MYO3B: variants seen among roughly 807,000 people sequenced by gnomAD.
MYO3B encodes myosin-IIIb.
In MYO3B, 156 loss-of-function variants were observed where a neutral mutation model predicts 174.6. The ratio of observed to expected loss-of-function variants is 0.89; its 90% CI spans 0.78 to 1.02. The LOEUF (loss-of-function observed/expected upper bound fraction) is 1.02. MYO3B is among the 50% of genes least tolerant of loss of function. The probability of loss-of-function intolerance (pLI) is 0.00; values close to 1 mark genes in which losing one functional copy is unlikely to be tolerated. For missense variants in MYO3B, 1,632 were observed against 1,639.4 expected, an observed-to-expected ratio of 1.00 and a Z score of 0.08; for synonymous variants, 563 against 569.1, an observed-to-expected ratio of 0.99 and a Z score of 0.15.
intron 16 of MYO3B, among the ~76,000 whole-genome samples, chr2:170,392,723 G>A (rs2094420415): frequency 6.6e-6 from 1 of 152,176 alleles, no homozygotes; most frequent in South Asian, 2.1e-4. Flanking sequence ...GACTGCATCA[G>A]AATATAATCA....
intron 32 of MYO3B, among the ~76,000 whole-genome samples, chr2:170,648,685 ATATTCTATAT>A (rs1266787089): frequency 5.5e-4 from 74 of 133,838 alleles, no homozygotes; most frequent in Admixed American, 9.3e-4. Flanking sequence ...AATATATATT[ATATTCTATAT>A]AATATATATT....
intron 32 of MYO3B, among the ~76,000 whole-genome samples, chr2:170,611,341 T>G (rs1695116664): frequency 6.6e-6 from 1 of 152,166 alleles, no homozygotes; most frequent in Non-Finnish European, 1.5e-5. Flanking sequence ...TGATTGGGCT[T>G]TTTTGTTTGT....
At chr2:170,426,847 G>A (rs946208718) in intron 22 of MYO3B, among the ~76,000 whole-genome samples, 2 of 151,588 alleles carry the variant, frequency 1.3e-5, no homozygotes, top group African/African-American at 4.8e-5. Flanking sequence ...GTGAAACCCC[G>A]TCTCTACTAA....
At chr2:170,234,928 A>C (rs2093054162) in intron 6 of MYO3B, among the ~76,000 whole-genome samples, 1 of 152,148 alleles carries the variant, frequency 6.6e-6, no homozygotes, top group Admixed American at 6.5e-5. Flanking sequence ...TCTCCTCATA[A>C]TCTATCCTCT....
At chr2:170,582,211 A>T (rs1487554750) in intron 32 of MYO3B, among the ~76,000 whole-genome samples, 1 of 152,240 alleles carries the variant, frequency 6.6e-6, no homozygotes, top group Admixed American at 6.5e-5. Flanking sequence ...GCAGGTCTGT[A>T]GAATTCCCAG....
chr2:170,237,373 A>C (rs1223828930), intron 7 of MYO3B, among the ~76,000 whole-genome samples: 1 of 152,128 alleles, frequency 6.6e-6, no homozygotes, highest in Non-Finnish European at 1.5e-5. Context: ...CCTGAATATC[A>C]GGATTAAGGT....
intron 32 of MYO3B, among the ~76,000 whole-genome samples, chr2:170,581,671 G>A (rs1693158555): frequency 6.6e-6 from 1 of 150,744 alleles, no homozygotes; most frequent in African/African-American, 2.4e-5. Context: ...TTTTCTATAT[G>A]GATAACTAAT....
intron 32 of MYO3B, among the ~76,000 whole-genome samples, chr2:170,547,931 G>C (rs1474639020): frequency 6.6e-6 from 1 of 151,690 alleles, no homozygotes; most frequent in Non-Finnish European, 1.5e-5. Context: ...TTTTAAACAG[G>C]GTGGCTTCAT....
intron 7 of MYO3B, among the ~76,000 whole-genome samples, chr2:170,310,267 A>G (rs1485158918): frequency 6.6e-6 from 1 of 152,192 alleles, no homozygotes; most frequent in Admixed American, 6.5e-5. Context: ...TGCCCGTGAC[A>G]GTGCCCTCAG....
In MYO3B at chr2:170,401,548, C is replaced by T. The variant is rs1322293195; in HGVS notation, c.1986C>T (p.Thr662=). The T allele has an allele frequency of 6.2e-7, 1 of 1,614,158 alleles. No homozygotes were observed. The highest frequency in any genetic ancestry group is 2.2e-5 in the East Asian group (1 of 44,872). The change falls in exon 18 of 35, where the codon ACC becomes ACT. Residue 662 remains threonine (T), a synonymous_variant. Coordinates refer to ENST00000408978, the MANE Select transcript of MYO3B (RefSeq NM_138995.5). ...QEALTSHCVV[T]RGETIIRANT... is the part of the protein sequence containing the mutation. ...CCCTCACCTCCCACTGTGTGGTCAC[C>T]CGGGGCGAGACCATCATCCGTGCCA...
intron 28 of MYO3B, among the ~76,000 whole-genome samples, chr2:170,509,305 C>T (rs1329720964): frequency 6.6e-6 from 1 of 152,130 alleles, no homozygotes; most frequent in Non-Finnish European, 1.5e-5. Context: ...TGCAGTGAGC[C>T]AAGATCGCAC....
intron 3 of MYO3B, among the ~76,000 whole-genome samples, chr2:170,213,370 G>C (rs1167223415): frequency 1.3e-5 from 2 of 152,238 alleles, no homozygotes; most frequent in African/African-American, 2.4e-5. Flanking sequence ...CCAAGCAGGG[G>C]GTACGTGACA....
At chr2:170,273,282 T>C (rs2093438586) in intron 7 of MYO3B, among the ~76,000 whole-genome samples, 1 of 152,124 alleles carries the variant, frequency 6.6e-6, no homozygotes, top group African/African-American at 2.4e-5. Flanking sequence ...GCAACCCACC[T>C]GCATTTCTGT....
chr2:170,345,407 C>T (rs981692847), intron 8 of MYO3B, among the ~76,000 whole-genome samples: 29 of 151,944 alleles, frequency 1.9e-4, no homozygotes, highest in African/African-American at 6.8e-4. Context: ...TATTTTAATT[C>T]GGAACTTTCT....
At chr2:170,252,344 G>A (rs1251240536) in intron 7 of MYO3B, among the ~76,000 whole-genome samples, 1 of 152,194 alleles carries the variant, frequency 6.6e-6, no homozygotes, top group Non-Finnish European at 1.5e-5. Context: ...AATGCACCTG[G>A]CACAAAATTG....
intron 22 of MYO3B, among the ~76,000 whole-genome samples, chr2:170,429,782 G>T (rs1266696368): frequency 6.6e-6 from 1 of 152,070 alleles, no homozygotes; most frequent in African/African-American, 2.4e-5. Flanking sequence ...TTCAGTTTTT[G>T]TTTTCCTCAT....
At position 170,206,686 on chromosome 2, in the gene MYO3B, C is replaced by A. The variant is rs17496473; in HGVS notation, c.321+6402C>A. On this transcript the variant is annotated intron_variant, in intron 3 of 34. Transcript: ENST00000408978. The surrounding 1 kb of genome is among the most constrained non-coding windows in gnomAD (Gnocchi z 4.3). ...AGTTCAAGGCTTAGTCATTTGGGTA[C>A]GTACTCAGTTTTTTAGGGCCTCTTC... 0.61 allele frequency among the ~76,000 whole-genome samples: 92,814 copies of A among 151,878 alleles called. 29,231 individuals carry two copies. The highest frequency in any genetic ancestry group is 0.78 in the African/African-American group (32,473 of 41,434).
intron 1 of MYO3B, among the ~76,000 whole-genome samples, chr2:170,194,625 G>A (rs538114030): frequency 3.3e-5 from 5 of 152,060 alleles, no homozygotes; most frequent in African/African-American, 1.2e-4. Context: ...TTTTGGTTTT[G>A]TGTGTGTGTG....
Position 170,357,123 on chromosome 2 carries a change from G to A in MYO3B, c.816-12099G>A, listed in dbSNP as rs78671436. Among the ~76,000 whole-genome samples the A allele has an allele frequency of 4.6e-5, 7 of 151,772 alleles. No individual in the cohort carries two copies. In the East Asian group the frequency reaches 1.4e-3, roughly 29 times the overall value. ...TATATCATGGATTTTAAGAAATATA[G>A]AACAGAATTCCTGTCTCTACTAAAA... On this transcript the variant is annotated intron_variant, in intron 8 of 34. Coordinates refer to ENST00000408978, the MANE Select transcript of MYO3B (RefSeq NM_138995.5).
Sources: allele counts gnomAD v4.1 joint callset (sites outside exome capture counted in the v4.1 genomes callset), GRCh38; gene constraint gnomAD v4.1.1; non-coding constraint Gnocchi (gnomAD v3.1); transcripts MANE v1.5; gene names NCBI Gene and HGNC (gene_info 2026-07-23, HGNC 2026-07-21).